ATAD2B: variants seen among roughly 807,000 people sequenced by gnomAD.
The protein encoded by ATAD2B is ATPase family AAA domain-containing protein 2B.
ATAD2B carries 40 observed loss-of-function variants against 167.6 expected under a neutral mutation model. The ratio of observed to expected loss-of-function variants is 0.24; its 90% CI spans 0.19 to 0.31. ATAD2B has a LOEUF of 0.31. Among genes scored for constraint, ATAD2B ranks in the 10% least tolerant of loss-of-function variants. The pLI is 1.00. For synonymous variants in ATAD2B, 579 were observed against 596.5 expected (o/e 0.97, Z 0.43); for missense variants, 1,242 against 1,757.2 (o/e 0.71, Z 5.24).
intron 22 of ATAD2B, among the ~76,000 whole-genome samples, chr2:23,770,248 G>T (rs918427634): frequency 6.6e-6 from 1 of 151,824 alleles, no homozygotes; most frequent in African/African-American, 2.4e-5. Flanking sequence ...CCCAGGAGGC[G>T]GAGGTTGCAA....
chr2:23,799,526 T>G (rs530279582), intron 18 of ATAD2B, among the ~76,000 whole-genome samples: 1 of 114,292 alleles, frequency 8.7e-6, no homozygotes, highest in Non-Finnish European at 1.6e-5. Context: ...TGAGCCGAGA[T>G]CACACCACTA....
At chr2:23,908,595 T>C (rs538336085) in intron 1 of ATAD2B, among the ~76,000 whole-genome samples, 74 of 152,296 alleles carry the variant, frequency 4.9e-4, no homozygotes, top group African/African-American at 1.7e-3. Context: ...CTCAGGGATC[T>C]AGAACTAGAA....
intron 1 of ATAD2B, among the ~76,000 whole-genome samples, chr2:23,908,232 A>G (rs1201097007): frequency 1.3e-5 from 2 of 152,028 alleles, no homozygotes; most frequent in African/African-American, 4.8e-5. Context: ...AATTTTCGCA[A>G]CCTACTCATC....
chr2:23,875,724 G>A, intron 8 of ATAD2B, 105 bp downstream of exon 8: 1 of 762,696 alleles, frequency 1.3e-6, no homozygotes, highest in South Asian at 1.6e-5. Flanking sequence ...GAAGATAATA[G>A]TAGCTAAATA....
chr2:23,732,179 G>A, the ATAD2B span, among the ~76,000 whole-genome samples: 5 of 152,086 alleles, frequency 3.3e-5, no homozygotes, highest in African/African-American at 1.2e-4. Flanking sequence ...AATGAACATA[G>A]CCTCACCATA....
At chr2:23,722,626 A>AT in the ATAD2B span, among the ~76,000 whole-genome samples, 1 of 152,288 alleles carries the variant, frequency 6.6e-6, no homozygotes, top group East Asian at 1.9e-4. Flanking sequence ...ATTCCAGGAG[A>AT]TAAAAAGGGA....
chr2:23,868,885 T>C (rs1422026035), intron 9 of ATAD2B, among the ~76,000 whole-genome samples: 3 of 152,234 alleles, frequency 2.0e-5, no homozygotes, highest in African/African-American at 4.8e-5. Flanking sequence ...TGTAACTTCA[T>C]TGATATTTCT....
chr2:23,820,435 T>C (rs1374891691), intron 16 of ATAD2B, among the ~76,000 whole-genome samples: 1 of 152,170 alleles, frequency 6.6e-6, no homozygotes, highest in African/African-American at 2.4e-5. Flanking sequence ...CTGTGGGCCT[T>C]AGGTTATCAC....
intron 8 of ATAD2B, among the ~76,000 whole-genome samples, chr2:23,874,917 G>A (rs1355489426): frequency 6.6e-6 from 1 of 150,544 alleles, no homozygotes; most frequent in Non-Finnish European, 1.5e-5. Flanking sequence ...ATAGCCAGGT[G>A]TGGTGGCGAA....
chr2:23,837,932 A>T (rs1185777600), intron 13 of ATAD2B, among the ~76,000 whole-genome samples: 1 of 152,236 alleles, frequency 6.6e-6, no homozygotes, highest in Non-Finnish European at 1.5e-5. Flanking sequence ...TTCATGCCTA[A>T]TTATAACAGA....
chr2:23,795,236 T>C (rs1682416033), intron 19 of ATAD2B, among the ~76,000 whole-genome samples: 1 of 152,220 alleles, frequency 6.6e-6, no homozygotes, highest in African/African-American at 2.4e-5. Context: ...TGTATATCCT[T>C]CCAGTTATAT....
chr2:23,746,561 A>T (rs1674894164), downstream of ATAD2B, among the ~76,000 whole-genome samples: 1 of 152,224 alleles, frequency 6.6e-6, no homozygotes, highest in Admixed American at 6.5e-5. Flanking sequence ...ATGTTTACTG[A>T]ACTGACAGCT....
chr2:23,691,467 G>A, the ATAD2B span: 1 of 598,036 alleles, frequency 1.7e-6, no homozygotes, highest in Non-Finnish European at 3.0e-6. Flanking sequence ...TGATAAGCAG[G>A]GTTTTCTGTT....
At chr2:23,730,390 G>A in the ATAD2B span, among the ~76,000 whole-genome samples, 2 of 151,946 alleles carry the variant, frequency 1.3e-5, no homozygotes, top group Non-Finnish European at 2.9e-5. Flanking sequence ...TGTCAGGCCG[G>A]GCACAGTGGC....
chr2:23,823,170 G>T, intron 16 of ATAD2B, 88 bp downstream of exon 16: 2 of 1,143,888 alleles, frequency 1.7e-6, no homozygotes, highest in Non-Finnish European at 2.5e-6. Context: ...TTACAAAAGT[G>T]ACACATAAAT....
downstream of ATAD2B, among the ~76,000 whole-genome samples, chr2:23,748,168 G>C (rs1198285852): frequency 2.0e-5 from 3 of 151,980 alleles, no homozygotes; most frequent in Non-Finnish European, 4.4e-5. Context: ...TGTACTACAG[G>C]AACATGAAAA....
chr2:23,757,861 A>G lies in ATAD2B; in HGVS notation c.3635T>C (p.Ile1212Thr), dbSNP rs1368939482. ...CCTCTGCCCCTGGTCCAAGTCCATGATGTCACAGGATGATTCATCATTGGT... is the reference window on the plus strand; with the variant it reads ...CCTCTGCCCCTGGTCCAAGTCCATGGTGTCACAGGATGATTCATCATTGGT... Reference protein sequence around the residue: ...SMTNDESSCDIMDLDQGQRLN... With the variant: ...SMTNDESSCDTMDLDQGQRLN... Residue 1212 changes from isoleucine to threonine, a missense_variant, in exon 25 of 28, where the codon ATC becomes ACC. By Grantham distance (89) the Ile-to-Thr change is moderately conservative. This residue lies in a region of ATAD2B where 282 missense variants were observed against 346.8 expected (regional missense o/e 0.81). Transcript: ENST00000238789. 4 of 1,588,850 alleles carry G rather than the reference A, an allele frequency of 2.5e-6. No individual in the cohort carries two copies. The highest frequency in any genetic ancestry group is 1.4e-5 in the African/African-American group (1 of 73,300).
Position 23,895,980 on chromosome 2 carries a change from A to G in ATAD2B, c.217-10T>C. Reference sequence around the variant, plus strand: ...CATCAACTTCAACTTTCTGAAAGACAATGTTAAAAATGTATTTATTATTCC... The same window carrying G: ...CATCAACTTCAACTTTCTGAAAGACGATGTTAAAAATGTATTTATTATTCC... On this transcript the variant is annotated splice_polypyrimidine_tract_variant and intron_variant, in intron 1 of 27. Coordinates refer to ENST00000238789, the MANE Select transcript of ATAD2B (RefSeq NM_017552.4). 6.2e-7 allele frequency: 1 copy of G among 1,601,166 alleles called. No homozygotes were observed. Among genetic ancestry groups the G allele is most frequent in the Non-Finnish European group, 8.5e-7 (1 of 1,170,362 alleles).
the ATAD2B span, among the ~76,000 whole-genome samples, chr2:23,702,050 C>T: frequency 0.035 from 5,294 of 151,648 alleles, 139 homozygotes; most frequent in Non-Finnish European, 0.055. Context: ...CTCGAACTCC[C>T]GACCTCAGAT....
Sources: gnomAD v4.1 joint callset for allele counts (sites outside exome capture counted in the v4.1 genomes callset) on GRCh38, gnomAD v4.1.1 for gene constraint, gnomAD v4.1.1 regional missense constraint, MANE v1.5 for transcripts, NCBI Gene and HGNC (gene_info 2026-07-23, HGNC 2026-07-21) for gene names.